The following POPDC1 variants were observed in gnomAD, a reference collection of about 807,000 sequenced individuals.
POPDC1 encodes the protein popeye domain-containing protein 1.
the POPDC1 span, among the ~76,000 whole-genome samples, chr6:105,101,836 A>G: frequency 6.6e-6 from 1 of 152,314 alleles, no homozygotes; most frequent in South Asian, 2.1e-4. Flanking sequence ...TTAGGATGCC[A>G]TTTAATCAAA....
At chr6:105,137,047 C>T in the POPDC1 span, 2 of 152,066 alleles carry the variant, frequency 1.3e-5, no homozygotes, top group African/African-American at 2.4e-5. Context: ...GGACGCGGGG[C>T]ACACGGGCTC....
chr6:105,120,882 A>G, the POPDC1 span, among the ~76,000 whole-genome samples: 1 of 152,208 alleles, frequency 6.6e-6, no homozygotes, highest in Non-Finnish European at 1.5e-5. Context: ...ACACTAAAAT[A>G]TCCTAGAAGT....
chr6:105,129,403 C>A, the POPDC1 span: 1 of 1,610,894 alleles, frequency 6.2e-7, no homozygotes, highest in African/African-American at 1.3e-5. Flanking sequence ...ATAAAAGATA[C>A]GACAGATGCA....
the POPDC1 span, chr6:105,125,610 A>G: frequency 6.3e-7 from 1 of 1,599,978 alleles, no homozygotes; most frequent in South Asian, 1.1e-5. Flanking sequence ...ATGCTTCACC[A>G]ATGCAGCAGC....
chr6:105,109,222 T>C, the POPDC1 span, among the ~76,000 whole-genome samples: 1 of 152,176 alleles, frequency 6.6e-6, no homozygotes, highest in African/African-American at 2.4e-5. Context: ...CCTCCCAAAG[T>C]GCGGGGACTA....
chr6:105,123,198 C>T, the POPDC1 span, among the ~76,000 whole-genome samples: 1 of 152,178 alleles, frequency 6.6e-6, no homozygotes, highest in Admixed American at 6.5e-5. Context: ...AATAGATTTA[C>T]CTTCTTGCCC....
At chr6:105,135,533 A>C in the POPDC1 span, among the ~76,000 whole-genome samples, 2 of 152,214 alleles carry the variant, frequency 1.3e-5, no homozygotes, top group Non-Finnish European at 2.9e-5. Context: ...ATTGCCTATT[A>C]ATCCACTATA....
At chr6:105,102,441 T>G in the POPDC1 span, among the ~76,000 whole-genome samples, 1 of 152,138 alleles carries the variant, frequency 6.6e-6, no homozygotes, top group Non-Finnish European at 1.5e-5. Flanking sequence ...GGAGGGAGGC[T>G]GAGACAGCGG....
chr6:105,098,302 C>G, the POPDC1 span: 46 of 152,188 alleles, frequency 3.0e-4, no homozygotes, highest in Non-Finnish European at 5.1e-4. Context: ...TCTTTGAGAT[C>G]AAGTCTATAT....
chr6:105,131,966 C>CTT, the POPDC1 span, among the ~76,000 whole-genome samples: 63 of 136,150 alleles, frequency 4.6e-4, no homozygotes, highest in African/African-American at 1.4e-3. Flanking sequence ...TCATTTATCA[C>CTT]TTTTTTTTTT....
chr6:105,125,072 C>T, the POPDC1 span, among the ~76,000 whole-genome samples: 1 of 152,196 alleles, frequency 6.6e-6, no homozygotes, highest in African/African-American at 2.4e-5. Context: ...CTGGAGCATG[C>T]ATAAGCTTTT....
At chr6:105,135,932 T>G in the POPDC1 span, among the ~76,000 whole-genome samples, 2,723 of 152,260 alleles carry the variant, frequency 0.018, 34 homozygotes, top group Non-Finnish European at 0.03. Context: ...TCAGATTAAT[T>G]TTGACTAAAT....
At chr6:105,100,571 T>G in the POPDC1 span, 1 of 123,840 alleles carries the variant, frequency 8.1e-6, no homozygotes, top group South Asian at 2.3e-4. Context: ...TATATATATG[T>G]ATGTATGTAT....
chr6:105,135,512 A>T, the POPDC1 span, among the ~76,000 whole-genome samples: 1 of 152,046 alleles, frequency 6.6e-6, no homozygotes, highest in Non-Finnish European at 1.5e-5. Context: ...AGTTCACCCA[A>T]TTTCACCTGT....
chr6:105,116,593 C>T, the POPDC1 span: 1 of 837,452 alleles, frequency 1.2e-6, no homozygotes, highest in South Asian at 2.1e-5. Context: ...ATCCCCAGTA[C>T]ATTTAACATA....
At chr6:105,130,776 T>C in the POPDC1 span, among the ~76,000 whole-genome samples, 2 of 152,204 alleles carry the variant, frequency 1.3e-5, no homozygotes, top group African/African-American at 2.4e-5. Flanking sequence ...TCTAAATATA[T>C]CTAAACATGG....
the POPDC1 span, chr6:105,101,091 A>G: frequency 2.5e-6 from 4 of 1,608,514 alleles, no homozygotes; most frequent in South Asian, 3.3e-5. Context: ...CTCTCTGATC[A>G]AGGCAGCTGA....
the POPDC1 span, chr6:105,098,403 G>A: frequency 3.8e-4 from 58 of 152,122 alleles, 1 homozygote; most frequent in Non-Finnish European, 1.0e-4. Context: ...CTAATCTTGA[G>A]GTTACAATCT....
At chr6:105,135,351 C>T in the POPDC1 span, among the ~76,000 whole-genome samples, 1 of 152,180 alleles carries the variant, frequency 6.6e-6, no homozygotes, top group Admixed American at 6.5e-5. Flanking sequence ...TGAGGTTCTA[C>T]ACCACAAGCC....
Sources: gnomAD v4.1 joint callset for allele counts (sites outside exome capture counted in the v4.1 genomes callset) on GRCh38, gnomAD v4.1.1 for gene constraint, MANE v1.5 for transcripts, NCBI Gene and HGNC (gene_info 2026-07-23, HGNC 2026-07-21) for gene names.